Variants in SPARCL1 observed in about 807,000 individuals in gnomAD.
The protein encoded by SPARCL1 is SPARC like 1.
In SPARCL1, 52 loss-of-function variants were observed where a neutral mutation model predicts 67.1. The observed-to-expected ratio is 0.78, with a 90% CI of 0.62 to 0.98. The LOEUF (loss-of-function observed/expected upper bound fraction) is 0.98, where lower values mean the gene tolerates loss of function less well. SPARCL1 is among the 50% of genes least tolerant of loss of function. SPARCL1 has a pLI of 0.00. For missense variants in SPARCL1, 717 were observed against 782.4 expected, an observed-to-expected ratio of 0.92 and a Z score of 1.00; for synonymous variants, 226 against 267.8, an observed-to-expected ratio of 0.84 and a Z score of 1.52.
chr4:87,528,789 A>C (rs1726158897), intron 1 of SPARCL1, among the ~76,000 whole-genome samples: 1 of 152,180 alleles, frequency 6.6e-6, no homozygotes, highest in African/African-American at 2.4e-5. Context: ...ACAGTTCCAC[A>C]TTTCTATTCT....
Position 87,494,382 on chromosome 4 carries a change from A to T in SPARCL1, c.418T>A (p.Phe140Ile). The change falls in exon 4 of 11, where the codon TTT becomes ATT. Residue 140 changes from phenylalanine (F) to isoleucine (I), a missense_variant. Phe to Ile is a conservative substitution (Grantham distance 21). Coordinates refer to ENST00000282470, the MANE Select transcript of SPARCL1 (RefSeq NM_004684.6). ...QEKKLSENTD[F>I]LAPGVSSFTD... ...AAGGAACTAACACCAGGAGCCAAAA[A>T]ATCAGTGTTCTCTGAGAGTTTTTTC... The T allele has an allele frequency of 1.2e-6, 2 of 1,614,146 alleles. No homozygotes were observed. Among genetic ancestry groups the T allele is most frequent in the Non-Finnish European group, 1.7e-6 (2 of 1,180,022 alleles).
At chr4:87,503,412 C>A (rs1040403929) in intron 1 of SPARCL1, among the ~76,000 whole-genome samples, 5 of 152,146 alleles carry the variant, frequency 3.3e-5, no homozygotes. Flanking sequence ...TGTGTTGACA[C>A]TTGTCTTCTT....
intron 1 of SPARCL1, 111 bp from the exon 2 acceptor site, chr4:87,499,696 G>T: frequency 1.3e-6 from 1 of 784,490 alleles, no homozygotes; most frequent in South Asian, 1.6e-5. Context: ...ATATAAAAGT[G>T]ATTTCTATCT....
At chr4:87,490,154 A>G (rs1398725741) in intron 7 of SPARCL1, 119 bp downstream of exon 7, 1 of 1,110,530 alleles carries the variant, frequency 9.0e-7, no homozygotes, top group Non-Finnish European at 1.2e-6. Context: ...CCAGTTGATA[A>G]TTTTTGTGTT....
intron 1 of SPARCL1, among the ~76,000 whole-genome samples, chr4:87,520,934 G>A (rs747066430): frequency 1.1e-4 from 16 of 152,320 alleles, no homozygotes; most frequent in South Asian, 4.1e-4. Flanking sequence ...GAAAAGAGGA[G>A]GGTGTCTAAA....
chr4:87,508,889 G>GTGTATA (rs1300541882), intron 1 of SPARCL1, among the ~76,000 whole-genome samples: 1 of 138,360 alleles, frequency 7.2e-6, no homozygotes, highest in African/African-American at 2.7e-5. Flanking sequence ...ATGTATATAA[G>GTGTATA]TATATATATA....
chr4:87,490,573 C>T (rs965203406), intron 6 of SPARCL1, among the ~76,000 whole-genome samples, 180 bp from the exon 7 acceptor site: 5 of 152,160 alleles, frequency 3.3e-5, no homozygotes, highest in African/African-American at 7.2e-5. Flanking sequence ...ACTGTACCAA[C>T]GGTGATGACA....
intron 1 of SPARCL1, among the ~76,000 whole-genome samples, chr4:87,501,439 A>C (rs1724844758): frequency 6.6e-6 from 1 of 152,186 alleles, no homozygotes; most frequent in African/African-American, 2.4e-5. Flanking sequence ...TGCATATTAG[A>C]AAAATATCTG....
intron 1 of SPARCL1, among the ~76,000 whole-genome samples, chr4:87,511,008 C>A (rs971838554): frequency 6.6e-6 from 1 of 152,216 alleles, no homozygotes; most frequent in Non-Finnish European, 1.5e-5. Flanking sequence ...CATTCGCTTG[C>A]GCACTCCCTC....
intron 7 of SPARCL1, among the ~76,000 whole-genome samples, chr4:87,483,830 G>GA (rs1183678289): frequency 6.6e-6 from 1 of 152,202 alleles, no homozygotes. Flanking sequence ...TTTCTCTAAT[G>GA]ACGAGTGATT....
intron 7 of SPARCL1, among the ~76,000 whole-genome samples, chr4:87,488,916 A>C (rs1724187982): frequency 7.0e-6 from 1 of 143,884 alleles, no homozygotes; most frequent in Non-Finnish European, 1.5e-5. Context: ...CTCAAGCCTC[A>C]GTAATGGTGG....
intron 1 of SPARCL1, among the ~76,000 whole-genome samples, chr4:87,514,160 C>T (rs1446242756): frequency 4.6e-5 from 7 of 152,126 alleles, no homozygotes; most frequent in African/African-American, 1.7e-4. Flanking sequence ...AGCCACTGCA[C>T]TCCAGCAATA....
rs150075999 is a variant in SPARCL1 at position 87,479,485 on chromosome 4, G to T, written c.1911C>A (p.Asn637Lys). 3 of 1,614,096 alleles carry T rather than the reference G, an allele frequency of 1.9e-6. No individual in the cohort carries two copies. Among genetic ancestry groups the T allele is most frequent in the Non-Finnish European group, 2.5e-6 (3 of 1,180,004 alleles). ...CCTTCAGGGTGATGTGCTTATCCTT[G>T]TTGGGGTCACACTCCTCAAAGAAAC... is the stretch of plus-strand genomic sequence containing the variant. ...ITRFFEECDP[N>K]KDKHITLKEW... Residue 637 changes from asparagine (N) to lysine (K), a missense_variant, in exon 10 of 11, where the codon AAC (asparagine) becomes AAA (lysine). Asn to Lys is a moderately conservative substitution (Grantham distance 94). Transcript: ENST00000282470.
chr4:87,496,329 C>T (rs1261534660), intron 2 of SPARCL1, among the ~76,000 whole-genome samples: 3 of 152,066 alleles, frequency 2.0e-5, no homozygotes, highest in Admixed American at 6.6e-5. Context: ...CTCAAGCCAC[C>T]CTTCCACTTC....
In SPARCL1 at chr4:87,473,768, T is replaced by C. The variant is rs1723444230; in HGVS notation, c.*7A>G. ...TGCTGGAAAGTTGAGTTCTTTAAAA[T>C]CTTCGTTCAAAACAAGAGATTTTCA... On this transcript the variant is annotated 3_prime_UTR_variant, in exon 11 of 11. Coordinates refer to ENST00000282470, the MANE Select transcript of SPARCL1 (RefSeq NM_004684.6). 6.2e-7 allele frequency: 1 copy of C among 1,606,626 alleles called. No homozygotes were observed. Among genetic ancestry groups the C allele is most frequent in the Admixed American group, 1.7e-5 (1 of 59,618 alleles).
chr4:87,482,355 C>A, intron 8 of SPARCL1, 69 bp downstream of exon 8: 1 of 1,544,408 alleles, frequency 6.5e-7, no homozygotes, highest in East Asian at 2.3e-5. Flanking sequence ...TAGGTAGCCC[C>A]CCCACCACGT....
chr4:87,487,081 A>G (rs1302943493), intron 7 of SPARCL1, among the ~76,000 whole-genome samples: 2 of 151,006 alleles, frequency 1.3e-5, no homozygotes, highest in Non-Finnish European at 3.0e-5. Flanking sequence ...TGGGGCATTT[A>G]GCCCGTTTAC....
intron 9 of SPARCL1, 41 bp downstream of exon 9, chr4:87,480,331 A>G: frequency 4.0e-6 from 6 of 1,498,408 alleles, no homozygotes; most frequent in Non-Finnish European, 5.4e-6. Context: ...ATATTTTATC[A>G]GAGAGATAAA....
intron 1 of SPARCL1, among the ~76,000 whole-genome samples, chr4:87,508,246 TCTGA>T (rs1578110797): frequency 6.6e-6 from 1 of 151,884 alleles, no homozygotes; most frequent in Non-Finnish European, 1.5e-5. Context: ...TGGGTCTCAC[TCTGA>T]CTGTGAGGCT....
Sources: allele counts gnomAD v4.1 joint callset (sites outside exome capture counted in the v4.1 genomes callset), GRCh38; gene constraint gnomAD v4.1.1; transcripts MANE v1.5; gene names NCBI Gene and HGNC (gene_info 2026-07-23, HGNC 2026-07-21).